SLC25A48: variants seen among roughly 807,000 people sequenced by gnomAD.
SLC25A48 encodes the protein solute carrier family 25 member 48.
Under a neutral mutation model 32.2 loss-of-function variants are expected in SLC25A48, and 29 were observed. That is an observed-to-expected ratio of 0.90 (90% confidence interval 0.67 to 1.23). The LOEUF is 1.23. SLC25A48 is among the 50% of genes most tolerant of loss of function. The probability of loss-of-function intolerance (pLI) is 0.00; values close to 1 mark genes in which losing one functional copy is unlikely to be tolerated. For synonymous variants in SLC25A48, 164 were observed against 172.3 expected, an observed-to-expected ratio of 0.95 and a Z score of 0.38; for missense variants, 399 against 422.7, an observed-to-expected ratio of 0.94 and a Z score of 0.49.
rs986410483 is a variant in SLC25A48 at position 135,888,487 on chromosome 5, G to A, written c.*463G>A. ...CAGGTTTTTCCCCGCTCCTGCACCC[G>A]TGGATCCTGAGGACAGCGGTAGCGC... is the stretch of plus-strand genomic sequence containing the variant. On this transcript the variant is annotated 3_prime_UTR_variant, in exon 8 of 8. Transcript: ENST00000681962. 9 of 183,422 alleles carry A rather than the reference G, an allele frequency of 4.9e-5. No homozygotes were observed. The highest frequency in any genetic ancestry group is 1.2e-4 in the East Asian group (1 of 8,016). The allele number at this position is 183,422 out of a possible 1,614,324, so 11.4% of individuals were successfully genotyped here.
At chr5:135,648,162 A>G (rs1436366010) in intron 3 of SLC25A48, among the ~76,000 whole-genome samples, 1 of 152,156 alleles carries the variant, frequency 6.6e-6, no homozygotes, top group Admixed American at 6.5e-5. Context: ...CTGGCTAGAG[A>G]GGGCAGGTCT....
At chr5:135,850,105 C>G (rs986856275) in intron 2 of SLC25A48, among the ~76,000 whole-genome samples, 2 of 152,090 alleles carry the variant, frequency 1.3e-5, no homozygotes, top group Non-Finnish European at 2.9e-5. Context: ...GAGGGTGGAG[C>G]GACAGACAGC....
intron 3 of SLC25A48, among the ~76,000 whole-genome samples, chr5:135,696,088 G>A (rs1196553820): frequency 2.6e-5 from 4 of 152,186 alleles, no homozygotes; most frequent in Middle Eastern, 3.2e-3. Flanking sequence ...GCCCAAGGGC[G>A]ACTGTGGAAA....
chr5:135,731,679 G>T (rs1239836478), intron 3 of SLC25A48, among the ~76,000 whole-genome samples: 1 of 152,174 alleles, frequency 6.6e-6, no homozygotes, highest in Non-Finnish European at 1.5e-5. Flanking sequence ...AAGACACAAG[G>T]TCCAAATAAG....
intron 3 of SLC25A48, among the ~76,000 whole-genome samples, chr5:135,712,268 G>A (rs904911845): frequency 4.6e-5 from 7 of 152,056 alleles, no homozygotes; most frequent in African/African-American, 1.7e-4. Flanking sequence ...CTTTATTTTT[G>A]GAGCAAAGAA....
At chr5:135,618,277 A>G (rs889893150) in intron 1 of SLC25A48, among the ~76,000 whole-genome samples, 2 of 152,102 alleles carry the variant, frequency 1.3e-5, no homozygotes, top group Non-Finnish European at 2.9e-5. Context: ...ATCTTATTCC[A>G]TTCCCTTATT....
At chr5:135,624,845 A>G (rs1212628698) in intron 1 of SLC25A48, among the ~76,000 whole-genome samples, 2 of 152,208 alleles carry the variant, frequency 1.3e-5, no homozygotes, top group Non-Finnish European at 2.9e-5. Context: ...TCTATGGCCA[A>G]CAGATCCGAT....
chr5:135,825,464 C>T (rs1758014758), intron 4 of SLC25A48, among the ~76,000 whole-genome samples: 1 of 152,170 alleles, frequency 6.6e-6, no homozygotes, highest in African/African-American at 2.4e-5. Flanking sequence ...AGACACACCC[C>T]TCCCAGCAGG....
At position 135,751,425 on chromosome 5, in the gene SLC25A48, C is replaced by T. The variant is rs1270119393; in HGVS notation, c.-520-61098C>T. Among the ~76,000 whole-genome samples, 7 of 152,196 alleles carry T rather than the reference C, an allele frequency of 4.6e-5. No individual in the cohort carries two copies. The East Asian group carries it at 1.3e-3, about 29-fold the overall frequency. ...TCCTTAGGGACACAGACTGAAACTC[C>T]ACCGTGTCCTGTGGCCCCTTTTGAA... is the stretch of plus-strand genomic sequence containing the variant. On this transcript the variant is annotated intron_variant, in intron 3 of 10. Transcript: ENST00000646290.
chr5:135,862,999 T>C (rs2126777471), intron 4 of SLC25A48, among the ~76,000 whole-genome samples: 1 of 150,728 alleles, frequency 6.6e-6, no homozygotes, highest in East Asian at 2.0e-4. Context: ...GGCAGAAGAG[T>C]GGTGGGAATT....
At chr5:135,868,671 C>G (rs1189321319) in intron 4 of SLC25A48, among the ~76,000 whole-genome samples, 1 of 79,466 alleles carries the variant, frequency 1.3e-5, no homozygotes, top group Non-Finnish European at 3.2e-5. Context: ...TACACACACA[C>G]ACACATACAC....
intron 3 of SLC25A48, among the ~76,000 whole-genome samples, chr5:135,725,549 C>A (rs550440271): frequency 6.6e-6 from 1 of 152,174 alleles, no homozygotes; most frequent in Non-Finnish European, 1.5e-5. Flanking sequence ...GGATTCCTAA[C>A]CTGCATCTCT....
chr5:135,836,683 T>C (rs1758538118), intron 1 of SLC25A48, among the ~76,000 whole-genome samples: 1 of 152,230 alleles, frequency 6.6e-6, no homozygotes, highest in Non-Finnish European at 1.5e-5. Flanking sequence ...GTTATGTCAA[T>C]TGAATCTTGC....
At chr5:135,609,336 A>G (rs930413890) in intron 1 of SLC25A48, 2 of 152,276 alleles carry the variant, frequency 1.3e-5, no homozygotes, top group African/African-American at 4.8e-5. Flanking sequence ...CAACTGACTG[A>G]GACAATCATA....
chr5:135,645,958 T>C (rs1383562400), intron 3 of SLC25A48, among the ~76,000 whole-genome samples: 1 of 152,174 alleles, frequency 6.6e-6, no homozygotes, highest in Non-Finnish European at 1.5e-5. Flanking sequence ...TTGATGGGCA[T>C]GACCAGGCAA....
intron 4 of SLC25A48, among the ~76,000 whole-genome samples, chr5:135,822,737 C>T (rs1003958744): frequency 6.6e-6 from 1 of 152,164 alleles, no homozygotes. Flanking sequence ...GGGGGACACA[C>T]AACAACATAT....
intron 3 of SLC25A48, among the ~76,000 whole-genome samples, chr5:135,777,191 G>T (rs1312256658): frequency 6.6e-6 from 1 of 151,748 alleles, no homozygotes; most frequent in East Asian, 1.9e-4. Flanking sequence ...ATATCCAGGC[G>T]GGGAGAAAAT....
chr5:135,780,779 A>T (rs12655380), intron 3 of SLC25A48, among the ~76,000 whole-genome samples: 57,858 of 112,484 alleles, frequency 0.51, 22,015 homozygotes, highest in Middle Eastern at 0.72. Flanking sequence ...ATATTTTCCT[A>T]ATATCCGGGG....
chr5:135,588,164 A>G (rs966734211), intron 1 of SLC25A48, among the ~76,000 whole-genome samples: 1 of 152,230 alleles, frequency 6.6e-6, no homozygotes, highest in Non-Finnish European at 1.5e-5. Flanking sequence ...TTTCAGCTGG[A>G]CTAACAGAAG....
Sources: gnomAD v4.1 joint callset for allele counts (sites outside exome capture counted in the v4.1 genomes callset) on GRCh38, gnomAD v4.1.1 for gene constraint, MANE v1.5 for transcripts, NCBI Gene and HGNC (gene_info 2026-07-23, HGNC 2026-07-21) for gene names.